The following KCNK9 variants were observed in gnomAD, a reference collection of about 807,000 sequenced individuals.
KCNK9 encodes potassium channel subfamily K member 9.
A neutral mutation model predicts 10.8 loss-of-function variants in KCNK9; 1 was observed. The ratio of observed to expected loss-of-function variants is 0.09; its 90% CI spans 0.03 to 0.44. The LOEUF (loss-of-function observed/expected upper bound fraction) is 0.44. Ranked by LOEUF, KCNK9 falls within the 20% of genes least tolerant of loss-of-function variation. The probability of loss-of-function intolerance (pLI) is 0.97; values close to 1 mark genes in which losing one functional copy is unlikely to be tolerated. For missense variants in KCNK9, 303 were observed against 515.0 expected, an observed-to-expected ratio of 0.59 and a Z score of 3.98; for synonymous variants, 231 against 222.7, an observed-to-expected ratio of 1.04 and a Z score of -0.33.
chr8:139,602,224 G>T (rs1000608239), intron 2 of KCNK9, among the ~76,000 whole-genome samples: 1 of 152,212 alleles, frequency 6.6e-6, no homozygotes, highest in African/African-American at 2.4e-5. Context: ...GGCCTGGAGG[G>T]TGCAAAGATG....
At chr8:139,682,232 T>C (rs887193480) in intron 1 of KCNK9, among the ~76,000 whole-genome samples, 4 of 152,228 alleles carry the variant, frequency 2.6e-5, no homozygotes, top group Non-Finnish European at 4.4e-5. Flanking sequence ...ATAGCTCTTG[T>C]GAAAGCTGTC....
chr8:139,672,644 G>T (rs1233884190), intron 1 of KCNK9, among the ~76,000 whole-genome samples: 1 of 152,228 alleles, frequency 6.6e-6, no homozygotes, highest in Non-Finnish European at 1.5e-5. Flanking sequence ...TGTGGGACAG[G>T]GTCGGCCCAC....
chr8:139,639,423 G>A lies in KCNK9; in HGVS notation c.284-20324C>T, dbSNP rs73358036. On this transcript the variant is annotated intron_variant, in intron 1 of 1. Coordinates refer to ENST00000520439, the MANE Select transcript of KCNK9 (RefSeq NM_001282534.2). ...CTGGCACGCTGTCTGGCGGGGAGTA[G>A]TGACCAACACAGGGTAGCTCTCTCC... 4.9e-3 allele frequency among the ~76,000 whole-genome samples: 750 copies of A among 152,338 alleles called. 4 individuals are homozygous for A. Among genetic ancestry groups the A allele is most frequent in the African/African-American group, 0.017 (703 of 41,580 alleles).
Position 139,702,617 on chromosome 8 carries a change from C to G in KCNK9, c.283+93G>C. 5.2e-6 allele frequency: 7 copies of G among 1,336,454 alleles called. No homozygotes were observed. The highest frequency in any genetic ancestry group is 2.3e-5 in the Admixed American group (1 of 42,986). The allele number at this position is 1,336,454 out of a possible 1,614,324, so 82.8% of individuals were successfully genotyped here. The stretch of plus-strand genomic sequence containing the variant: ...CCCAAGGGAGGCTGCGTTTAACCCT[C>G]GACGCCCTGCACCCAGCCCGGCGCG... On this transcript the variant is annotated intron_variant, in intron 1 of 1. Transcript: ENST00000520439. This position sits in a 1 kb window ranked among gnomAD's most constrained non-coding sequence, Gnocchi z 7.5.
In KCNK9 at chr8:139,662,667, G is replaced by C. The variant is rs548154378; in HGVS notation, c.283+40043C>G. Among the ~76,000 whole-genome samples the C allele has an allele frequency of 1.7e-3, 254 of 152,128 alleles. 1 individual carries two copies. Among genetic ancestry groups the C allele is most frequent in the African/African-American group, 5.9e-3 (246 of 41,502 alleles). On this transcript the variant is annotated intron_variant, in intron 1 of 1. Coordinates refer to ENST00000520439, the MANE Select transcript of KCNK9 (RefSeq NM_001282534.2). ...TCTTCCAGCTGCTCCTGGCCTTGAGGGAGGGTCTAGCCAGGGTGGGCAGCC... is the reference window on the plus strand; with the variant it reads ...TCTTCCAGCTGCTCCTGGCCTTGAGCGAGGGTCTAGCCAGGGTGGGCAGCC...
intron 1 of KCNK9, among the ~76,000 whole-genome samples, chr8:139,642,362 C>T (rs775229827): frequency 1.8e-4 from 28 of 152,178 alleles, no homozygotes; most frequent in Non-Finnish European, 1.5e-4. Context: ...TTGGAAATGG[C>T]ACCAAAGCAA....
chr8:139,619,307 G>A (rs1814704044), intron 1 of KCNK9, among the ~76,000 whole-genome samples: 1 of 152,094 alleles, frequency 6.6e-6, no homozygotes, highest in South Asian at 2.1e-4. Flanking sequence ...CATGAGGTTA[G>A]GGGATGGCAG....
chr8:139,603,745 G>A (rs1224695861), intron 2 of KCNK9, among the ~76,000 whole-genome samples: 1 of 152,196 alleles, frequency 6.6e-6, no homozygotes. Context: ...TAATAGAAAA[G>A]CCAGGAAAGG....
chr8:139,651,851 A>G (rs906001477), intron 1 of KCNK9, among the ~76,000 whole-genome samples: 3 of 152,144 alleles, frequency 2.0e-5, no homozygotes, highest in African/African-American at 4.8e-5. Context: ...CTTACCTGCT[A>G]TTGCTCTAAG....
chr8:139,649,556 G>A (rs1815793789), intron 1 of KCNK9, among the ~76,000 whole-genome samples: 1 of 152,170 alleles, frequency 6.6e-6, no homozygotes, highest in Non-Finnish European at 1.5e-5. Context: ...ATGCCTGGAT[G>A]CGGTCTTTCC....
At chr8:139,651,413 C>A (rs979783522) in intron 1 of KCNK9, among the ~76,000 whole-genome samples, 1 of 152,210 alleles carries the variant, frequency 6.6e-6, no homozygotes, top group Non-Finnish European at 1.5e-5. Flanking sequence ...GGCTCCCCAC[C>A]CAATAGCCAC....
downstream of KCNK9, among the ~76,000 whole-genome samples, chr8:139,615,222 CCT>C (rs1230122243): frequency 4.6e-5 from 7 of 152,226 alleles, no homozygotes; most frequent in South Asian, 6.2e-4. Context: ...GACCTAGAAT[CCT>C]CTCTCTGTGA....
downstream of KCNK9, chr8:139,616,274 C>T (rs1471691076): frequency 6.6e-6 from 1 of 152,138 alleles, no homozygotes; most frequent in Admixed American, 6.6e-5. Context: ...TCAACAATCT[C>T]ATCCAAGAGG....
intron 2 of KCNK9, among the ~76,000 whole-genome samples, chr8:139,606,055 T>G (rs1463913038): frequency 6.6e-6 from 1 of 152,106 alleles, no homozygotes; most frequent in Non-Finnish European, 1.5e-5. Context: ...TGGATGAGTT[T>G]GAACTGCTGA....
intron 1 of KCNK9, among the ~76,000 whole-genome samples, chr8:139,679,670 A>G (rs372671411): frequency 5.0e-4 from 76 of 152,318 alleles, no homozygotes; most frequent in African/African-American, 1.7e-3. Context: ...CCAAGGTTAC[A>G]CAGCCTGTAT....
At chr8:139,602,631 C>CT (rs1213015964) in intron 2 of KCNK9, among the ~76,000 whole-genome samples, 1 of 152,186 alleles carries the variant, frequency 6.6e-6, no homozygotes, top group African/African-American at 2.4e-5. Flanking sequence ...ATAATGTCTA[C>CT]TTGACCATTT....
intron 1 of KCNK9, among the ~76,000 whole-genome samples, chr8:139,675,438 G>A (rs1434017278): frequency 2.6e-5 from 4 of 152,180 alleles, no homozygotes; most frequent in African/African-American, 7.2e-5. Context: ...TGGGGGTAGA[G>A]CCCTCAAGAA....
intron 1 of KCNK9, among the ~76,000 whole-genome samples, chr8:139,692,186 C>T (rs1280932163): frequency 2.0e-5 from 3 of 152,244 alleles, no homozygotes; most frequent in Non-Finnish European, 2.9e-5. Flanking sequence ...CCTGTCAGCC[C>T]GTCTGCCTGC....
intron 1 of KCNK9, among the ~76,000 whole-genome samples, chr8:139,655,393 A>G (rs1815995113): frequency 6.6e-6 from 1 of 152,110 alleles, no homozygotes; most frequent in African/African-American, 2.4e-5. Context: ...CCACCCAGAC[A>G]TGCTGGCTGG....
Sources: allele counts gnomAD v4.1 joint callset (sites outside exome capture counted in the v4.1 genomes callset), GRCh38; gene constraint gnomAD v4.1.1; non-coding constraint Gnocchi (gnomAD v3.1); transcripts MANE v1.5; gene names NCBI Gene and HGNC (gene_info 2026-07-23, HGNC 2026-07-21).